Variants in MACROH2A2 observed in about 807,000 individuals in gnomAD.
MACROH2A2 encodes macroH2A.2 histone.
A neutral mutation model predicts 37.6 loss-of-function variants in MACROH2A2; 6 were observed. That is an observed-to-expected ratio of 0.16 (90% CI 0.09 to 0.32). MACROH2A2 has a LOEUF of 0.32. Among genes scored for constraint, MACROH2A2 ranks in the 10% least tolerant of loss-of-function variants. MACROH2A2 has a pLI of 1.00. For synonymous variants in MACROH2A2, 192 were observed against 202.7 expected, an observed-to-expected ratio of 0.95 and a Z score of 0.45; for missense variants, 290 against 485.9, an observed-to-expected ratio of 0.60 and a Z score of 3.79.
intron 2 of MACROH2A2, among the ~76,000 whole-genome samples, chr10:70,081,202 A>G (rs2072174622): frequency 6.6e-6 from 1 of 151,946 alleles, no homozygotes; most frequent in African/African-American, 2.4e-5. Context: ...TTGCTTTACC[A>G]TTCATGATGT....
chr10:70,072,142 A>G (rs896639024), intron 1 of MACROH2A2, among the ~76,000 whole-genome samples: 15 of 152,146 alleles, frequency 9.9e-5, no homozygotes, highest in Non-Finnish European at 1.5e-4. Context: ...TTAAAACACA[A>G]ATACATTGCA....
Position 70,080,189 on chromosome 10 carries a change from G to A in MACROH2A2, c.172+4359G>A, listed in dbSNP as rs150996157. Among the ~76,000 whole-genome samples, 7 of 151,850 alleles carry A rather than the reference G, an allele frequency of 4.6e-5. No individual in the cohort carries two copies. In the East Asian group the frequency reaches 1.4e-3, roughly 29 times the overall value. ...AGCTACTCGTGAGGCTGAGGCAGGA[G>A]AATCACTTGAACCCAGGAGGCGGAG... On this transcript the variant is annotated intron_variant, in intron 2 of 8. Coordinates refer to ENST00000373255, the MANE Select transcript of MACROH2A2 (RefSeq NM_018649.3).
intron 2 of MACROH2A2, among the ~76,000 whole-genome samples, chr10:70,077,277 G>C (rs2072145094): frequency 6.6e-6 from 1 of 152,174 alleles, no homozygotes; most frequent in Admixed American, 6.5e-5. Flanking sequence ...TGTTTCAAAT[G>C]CAAGTTCCCG....
At chr10:70,061,007 G>A (rs563879066) in intron 1 of MACROH2A2, among the ~76,000 whole-genome samples, 1 of 151,886 alleles carries the variant, frequency 6.6e-6, no homozygotes, top group South Asian at 2.1e-4. Flanking sequence ...AGAAATATTG[G>A]TTTAAAGAAA....
At chr10:70,056,651 G>T (rs1159940367) in intron 1 of MACROH2A2, among the ~76,000 whole-genome samples, 1 of 152,184 alleles carries the variant, frequency 6.6e-6, no homozygotes, top group Non-Finnish European at 1.5e-5. Flanking sequence ...GAACGTGGCA[G>T]GATTTGGATG....
At chr10:70,071,563 C>T (rs985264933) in intron 1 of MACROH2A2, among the ~76,000 whole-genome samples, 7 of 152,134 alleles carry the variant, frequency 4.6e-5, no homozygotes, top group South Asian at 2.1e-4. Flanking sequence ...CATCACTTAA[C>T]GAAAGGGGTA....
chr10:70,086,606 T>C (rs950754271), intron 2 of MACROH2A2, among the ~76,000 whole-genome samples: 11 of 152,208 alleles, frequency 7.2e-5, no homozygotes, highest in African/African-American at 2.2e-4. Context: ...CTGCCTCTTA[T>C]TGCTGACAGT....
chr10:70,096,860 G>A (rs1371230867), intron 6 of MACROH2A2, among the ~76,000 whole-genome samples: 1 of 152,092 alleles, frequency 6.6e-6, no homozygotes, highest in Non-Finnish European at 1.5e-5. Context: ...AAAGGAGATA[G>A]GACAGCCCTG....
intron 7 of MACROH2A2, among the ~76,000 whole-genome samples, chr10:70,103,174 T>C (rs890103284): frequency 6.6e-6 from 1 of 152,034 alleles, no homozygotes; most frequent in East Asian, 1.9e-4. Flanking sequence ...CAGGGCCACA[T>C]TGCCCACCGA....
rs148101517 is a variant in MACROH2A2 at position 70,091,892 on chromosome 10, G to T, written c.415G>T (p.Ala139Ser). ...ACCCCCAGAGAAAAGAGGCAGGAAG[G>T]CCACGTCAGGCAAGAAGGGGGGGAA... ...SPPPEKRGRK[A>S]TSGKKGGKKS... Residue 139 changes from alanine to serine, a missense_variant, in exon 4 of 9, where the codon GCC becomes TCC. Ala to Ser is a moderately conservative substitution (Grantham distance 99). This residue lies in a region of MACROH2A2 where 77 missense variants were observed against 68.9 expected (regional missense o/e 1.12). Coordinates refer to ENST00000373255, the MANE Select transcript of MACROH2A2 (RefSeq NM_018649.3). 233 of 1,613,954 alleles carry T rather than the reference G, an allele frequency of 1.4e-4. No individual in the cohort carries two copies. Among genetic ancestry groups the T allele is most frequent in the Non-Finnish European group, 1.9e-4 (224 of 1,180,012 alleles).
chr10:70,111,608 C>A lies in MACROH2A2; in HGVS notation c.1044C>A (p.Asn348Lys). The change falls in exon 9 of 9, where the codon AAC becomes AAA. Residue 348 changes from asparagine to lysine, a missense_variant. By Grantham distance (94) the Asn-to-Lys change is moderately conservative. Coordinates refer to ENST00000373255, the MANE Select transcript of MACROH2A2 (RefSeq NM_018649.3). The part of the protein sequence containing the change: ...FDDSSASSLK[N>K]VYFLLFDSES... ...ACTCGAGCGCGTCCTCGCTGAAGAA[C>A]GTGTACTTCCTGCTCTTCGACAGCG... 1 of 1,613,708 alleles carries A rather than the reference C, an allele frequency of 6.2e-7. No individual in the cohort carries two copies. Among genetic ancestry groups the A allele is most frequent in the Non-Finnish European group, 8.5e-7 (1 of 1,179,822 alleles).
chr10:70,058,528 G>A (rs933532397), intron 1 of MACROH2A2, among the ~76,000 whole-genome samples: 1 of 152,088 alleles, frequency 6.6e-6, no homozygotes, highest in South Asian at 2.1e-4. Flanking sequence ...GAGTTTAGAT[G>A]CCCAAATTTG....
chr10:70,095,837 G>T, intron 6 of MACROH2A2, 84 bp downstream of exon 6: 1 of 716,572 alleles, frequency 1.4e-6, no homozygotes. Flanking sequence ...ATTGTCAACT[G>T]GCTGTCCCTC....
chr10:70,082,997 T>TA (rs1198738862), intron 2 of MACROH2A2, among the ~76,000 whole-genome samples: 2 of 148,836 alleles, frequency 1.3e-5, no homozygotes, highest in Non-Finnish European at 3.0e-5. Flanking sequence ...TTTTTTTTTT[T>TA]AATCAAGCAC....
At chr10:70,099,726 CCT>C (rs1354189585) in intron 6 of MACROH2A2, 1 of 151,938 alleles carries the variant, frequency 6.6e-6, no homozygotes, top group Non-Finnish European at 1.5e-5. Context: ...TAGAGATTAG[CCT>C]CTCTGCATTT....
intron 8 of MACROH2A2, 148 bp from the exon 9 acceptor site, chr10:70,111,370 G>T (rs1347623243): frequency 1.7e-6 from 1 of 575,870 alleles, no homozygotes; most frequent in Non-Finnish European, 2.9e-6. Context: ...CCACCCCCAG[G>T]CTGTCCCTTT....
Position 70,069,566 on chromosome 10 carries a change from T to C in MACROH2A2, c.-59-6034T>C, listed in dbSNP as rs146690539. Among the ~76,000 whole-genome samples the C allele has an allele frequency of 9.8e-4, 149 of 152,160 alleles. 1 individual carries two copies. In the East Asian group the frequency reaches 0.021, roughly 22 times the overall value. The stretch of plus-strand genomic sequence containing the variant: ...GCCTCCAGGGATTGCCCACATGGTG[T>C]CTCTGAGGACACCAAGAGCTGCGTC... On this transcript the variant is annotated intron_variant, in intron 1 of 8. Transcript: ENST00000373255.
chr10:70,104,362 G>GA (rs869029665), intron 7 of MACROH2A2, among the ~76,000 whole-genome samples: 218 of 123,316 alleles, frequency 1.8e-3, no homozygotes, highest in East Asian at 4.4e-3. Context: ...GGACAGAGAG[G>GA]AAAAAAAAAA....
chr10:70,109,907 C>G (rs151102770), intron 8 of MACROH2A2, among the ~76,000 whole-genome samples: 54 of 152,302 alleles, frequency 3.5e-4, no homozygotes, highest in African/African-American at 1.3e-3. Flanking sequence ...CCTTCATGCC[C>G]CTAGCCAATC....
Sources: allele counts gnomAD v4.1 joint callset (sites outside exome capture counted in the v4.1 genomes callset), GRCh38; gene constraint gnomAD v4.1.1; regional missense constraint gnomAD v4.1.1; transcripts MANE v1.5; gene names NCBI Gene and HGNC (gene_info 2026-07-23, HGNC 2026-07-21).